Variants in FBN1 observed in about 807,000 individuals in gnomAD.
FBN1 encodes the protein fibrillin 1.
Under a neutral mutation model 365.1 loss-of-function variants are expected in FBN1, and 29 were observed. The observed-to-expected ratio is 0.08, with a 90% CI of 0.06 to 0.11. FBN1 has a LOEUF of 0.11. Among genes scored for constraint, FBN1 ranks in the 10% least tolerant of loss-of-function variants. The pLI is 1.00. For synonymous variants in FBN1, 1,210 were observed against 1,270.5 expected, an observed-to-expected ratio of 0.95 and a Z score of 1.01; for missense variants, 2,476 against 3,703.2, an observed-to-expected ratio of 0.67 and a Z score of 8.60.
intron 36 of FBN1, 93 bp from the exon 37 acceptor site, chr15:48,468,627 C>T (rs2043342738): frequency 3.6e-6 from 5 of 1,400,426 alleles, no homozygotes; most frequent in African/African-American, 2.8e-5. Flanking sequence ...GAGCTCCAAA[C>T]AAGAATTTTA....
At chr15:48,519,918 T>C (rs963115163) in intron 10 of FBN1, among the ~76,000 whole-genome samples, 7 of 152,218 alleles carry the variant, frequency 4.6e-5, no homozygotes, top group Non-Finnish European at 8.8e-5. Flanking sequence ...TTTGGACATC[T>C]TTCTCGACTA....
At chr15:48,611,808 G>T (rs1015871885) in intron 3 of FBN1, among the ~76,000 whole-genome samples, 4 of 152,172 alleles carry the variant, frequency 2.6e-5, no homozygotes, top group African/African-American at 9.7e-5. Context: ...ACTAGCACTT[G>T]GTCACTACTT....
chr15:48,500,452 TGTTA>T (rs1174970819), intron 17 of FBN1, among the ~76,000 whole-genome samples: 4 of 152,224 alleles, frequency 2.6e-5, no homozygotes, highest in African/African-American at 9.6e-5. Flanking sequence ...CCTTTTCCTC[TGTTA>T]GTTTCTTCTC....
chr15:48,421,715 G>T, intron 61 of FBN1, 29 bp from the exon 62 acceptor site: 5 of 1,609,760 alleles, frequency 3.1e-6, no homozygotes, highest in Non-Finnish European at 4.2e-6. Flanking sequence ...GCAAAGAGGG[G>T]TTAAAATTCC....
intron 13 of FBN1, among the ~76,000 whole-genome samples, chr15:48,511,444 C>T (rs866191428): frequency 1.3e-5 from 2 of 151,404 alleles, no homozygotes; most frequent in African/African-American, 4.9e-5. Flanking sequence ...TTAAGGATCC[C>T]ATAATTTTTT....
intron 6 of FBN1, among the ~76,000 whole-genome samples, chr15:48,583,351 T>G (rs1322190859): frequency 1.3e-5 from 2 of 152,224 alleles, no homozygotes; most frequent in Non-Finnish European, 2.9e-5. Flanking sequence ...GTTTTGATTT[T>G]TCTAACTTTA....
At position 48,426,187 on chromosome 15, in the gene FBN1, C is replaced by A. The variant is rs1179305233; in HGVS notation, c.7205-323G>T. Reference sequence around the variant, plus strand: ...TCTAGACATATTTGGCTTTTTGTGTCATCTCATGCCATTAAGCTTGCCTCC... The same window carrying A: ...TCTAGACATATTTGGCTTTTTGTGTAATCTCATGCCATTAAGCTTGCCTCC... On this transcript the variant is annotated intron_variant, in intron 58 of 65. Transcript: ENST00000316623. 2.0e-5 allele frequency among the ~76,000 whole-genome samples: 3 copies of A among 152,192 alleles called. No homozygotes were observed. The East Asian group carries it at 5.8e-4, about 29-fold the overall frequency.
intron 6 of FBN1, among the ~76,000 whole-genome samples, chr15:48,595,804 A>G (rs1260565690): frequency 6.6e-6 from 1 of 152,188 alleles, no homozygotes; most frequent in Non-Finnish European, 1.5e-5. Flanking sequence ...GACACTCAAT[A>G]TATCTATGGT....
intron 43 of FBN1, 81 bp from the exon 44 acceptor site, chr15:48,456,843 CGT>C (rs3074895): frequency 0.02 from 14,516 of 741,068 alleles, 21 homozygotes; most frequent in Non-Finnish European, 0.025. Flanking sequence ...AAAGTGCGTG[CGT>C]GTGTGTGTGT....
intron 6 of FBN1, among the ~76,000 whole-genome samples, chr15:48,581,906 C>T (rs958034131): frequency 2.6e-5 from 4 of 152,078 alleles, no homozygotes; most frequent in East Asian, 3.9e-4. Context: ...CTTAGAATTC[C>T]GAGTCACAGA....
intron 9 of FBN1, among the ~76,000 whole-genome samples, chr15:48,523,717 G>GC (rs1395567591): frequency 2.6e-5 from 4 of 151,356 alleles, no homozygotes; most frequent in South Asian, 2.1e-4. Flanking sequence ...GGCTGGGGGG[G>GC]GGGGGGAACC....
At chr15:48,642,186 T>C (rs764543233) in intron 2 of FBN1, 1 of 152,264 alleles carries the variant, frequency 6.6e-6, no homozygotes, top group Non-Finnish European at 1.5e-5. Flanking sequence ...GAGACCATCC[T>C]GGCCAACATG....
At chr15:48,577,056 T>C (rs1263613563) in intron 6 of FBN1, among the ~76,000 whole-genome samples, 1 of 152,212 alleles carries the variant, frequency 6.6e-6, no homozygotes, top group Admixed American at 6.5e-5. Flanking sequence ...TCAGGTCATT[T>C]TTTTTAACCT....
chr15:48,462,952 C>T, intron 42 of FBN1, 130 bp downstream of exon 42: 1 of 900,580 alleles, frequency 1.1e-6, no homozygotes, highest in Non-Finnish European at 1.8e-6. Flanking sequence ...GAATTTAAAT[C>T]ATGAGCCGTT....
chr15:48,411,394 G>C lies in FBN1; in HGVS notation c.8227-15C>G, dbSNP rs779893454. ...TCAGACTGATCCTGGAAAGACACAT[G>C]GCAATATGTTAAATACAATGTACAT... On this transcript the variant is annotated splice_polypyrimidine_tract_variant and intron_variant, in intron 65 of 65. Coordinates refer to ENST00000316623, the MANE Select transcript of FBN1 (RefSeq NM_000138.5). 3.1e-6 allele frequency: 5 copies of C among 1,612,396 alleles called. No homozygotes were observed. In the South Asian group the frequency reaches 5.5e-5, roughly 18 times the overall value.
rs140626 is a variant in FBN1, at chr15:48,463,965, C to T, written c.4999G>A (p.Val1667Ile). ...GGACAGATACAGGTGTAGTTGCCAA[C>T]GGTGTTGTAACATGTCCCTGGACCA... ...ICGPGTCYNT[V>I]GNYTCICPPD... The change falls in exon 41 of 66, where the codon GTT (valine) becomes ATT (isoleucine). Residue 1667 changes from valine to isoleucine, a missense_variant. By Grantham distance (29) the Val-to-Ile change is conservative (BLOSUM62 3). Transcript: ENST00000316623. The T allele has an allele frequency of 2.9e-5, 46 of 1,613,448 alleles. No individual in the cohort carries two copies. The highest frequency in any genetic ancestry group is 6.6e-5 in the South Asian group (6 of 91,080).
intron 6 of FBN1, among the ~76,000 whole-genome samples, chr15:48,541,723 T>A (rs1459545847): frequency 7.0e-6 from 1 of 143,260 alleles, no homozygotes; most frequent in African/African-American, 2.9e-5. Flanking sequence ...TAAATTTACA[T>A]ACTCTTTTTT....
intron 6 of FBN1, among the ~76,000 whole-genome samples, chr15:48,592,944 G>C (rs1395018179): frequency 6.6e-6 from 1 of 152,168 alleles, no homozygotes; most frequent in African/African-American, 2.4e-5. Flanking sequence ...GAGAAACAAT[G>C]GTAGTGGCAA....
chr15:48,532,437 G>GATATAT (rs959884736), intron 8 of FBN1, among the ~76,000 whole-genome samples: 1 of 151,586 alleles, frequency 6.6e-6, no homozygotes, highest in Non-Finnish European at 1.5e-5. Flanking sequence ...TGTGTATATA[G>GATATAT]ATATATGTGT....
Sources: gnomAD v4.1 joint callset for allele counts (sites outside exome capture counted in the v4.1 genomes callset) on GRCh38, gnomAD v4.1.1 for gene constraint, MANE v1.5 for transcripts, NCBI Gene and HGNC (gene_info 2026-07-23, HGNC 2026-07-21) for gene names.